TBCD: variants seen among roughly 807,000 people sequenced by gnomAD.
TBCD encodes the protein tubulin folding cofactor D.
In TBCD, 105 loss-of-function variants were observed where a neutral mutation model predicts 169.3. The ratio of observed to expected loss-of-function variants is 0.62; its 90% CI spans 0.53 to 0.73. TBCD has a LOEUF of 0.73. Ranked by LOEUF, TBCD falls within the 30% of genes least tolerant of loss-of-function variation. The pLI is 0.00. For missense variants in TBCD, 1,444 were observed against 1,600.1 expected, an observed-to-expected ratio of 0.90 and a Z score of 1.66; for synonymous variants, 700 against 643.9, an observed-to-expected ratio of 1.09 and a Z score of -1.32.
chr17:82,862,379 C>G (rs1245597167), intron 13 of TBCD, among the ~76,000 whole-genome samples: 1 of 151,706 alleles, frequency 6.6e-6, no homozygotes, highest in East Asian at 1.9e-4. Flanking sequence ...GCGGAGGAAG[C>G]CGGAGGGAGA....
Position 82,864,641 on chromosome 17 carries a change from A to T in TBCD, c.1319-5583A>T, listed in dbSNP as rs1402154922. On this transcript the variant is annotated intron_variant, in intron 13 of 38. Coordinates refer to ENST00000355528, the MANE Select transcript of TBCD (RefSeq NM_005993.5). The surrounding 1 kb of genome is among the most constrained non-coding windows in gnomAD (Gnocchi z 6.3). Reference sequence around the variant, plus strand: ...TTGGTTCACAGGCACAGGTGGGGAGAGTTGCTGGGCCAGCGTGGCTGGGTG... The same window carrying T: ...TTGGTTCACAGGCACAGGTGGGGAGTGTTGCTGGGCCAGCGTGGCTGGGTG... 6.6e-6 allele frequency among the ~76,000 whole-genome samples: 1 copy of T among 151,832 alleles called. No individual in the cohort carries two copies. Among genetic ancestry groups the T allele is most frequent in the Non-Finnish European group, 1.5e-5 (1 of 67,964 alleles).
chr17:82,831,377 A>G lies in TBCD; in HGVS notation c.1318+16443A>G. On this transcript the variant is annotated intron_variant, in intron 13 of 38. Transcript: ENST00000355528. This position sits in a 1 kb window ranked among gnomAD's most constrained non-coding sequence, Gnocchi z 4.6. Reference sequence around the variant, plus strand: ...GAAGGGTTTAACCTGGAAGGACTCGAGGCTGGATAGACCAGGGTGGCTTCT... The same window carrying G: ...GAAGGGTTTAACCTGGAAGGACTCGGGGCTGGATAGACCAGGGTGGCTTCT... The G allele has an allele frequency of 6.2e-7, 1 of 1,614,152 alleles. No individual in the cohort carries two copies. Among genetic ancestry groups the G allele is most frequent in the East Asian group, 2.2e-5 (1 of 44,886 alleles).
At chr17:82,856,710 C>T (rs187324248) in intron 13 of TBCD, among the ~76,000 whole-genome samples, 3 of 150,476 alleles carry the variant, frequency 2.0e-5, no homozygotes, top group African/African-American at 4.9e-5. Context: ...TTTTTGGGTG[C>T]GCATCCAGGG....
At chr17:82,830,148 C>T (rs962375956) in intron 13 of TBCD, 1 of 1,613,756 alleles carries the variant, frequency 6.2e-7, no homozygotes, top group African/African-American at 1.3e-5. Flanking sequence ...GGCGTTAGGA[C>T]ACCCGGGCCC....
In TBCD at chr17:82,930,183, A is replaced by G; in HGVS notation, c.2992-339A>G. On this transcript the variant is annotated intron_variant, in intron 32 of 38. Transcript: ENST00000355528. The surrounding 1 kb of genome is among the most constrained non-coding windows in gnomAD (Gnocchi z 5.2). ...CGAGCGGGGCCCCGAGACATTCTGCACTCGGGAATTGCGGGGATTATCAAA... is the reference window on the plus strand; with the variant it reads ...CGAGCGGGGCCCCGAGACATTCTGCGCTCGGGAATTGCGGGGATTATCAAA... 1 of 334,962 alleles carries G rather than the reference A, an allele frequency of 3.0e-6. No individual in the cohort carries two copies. Among genetic ancestry groups the G allele is most frequent in the Non-Finnish European group, 5.6e-6 (1 of 178,584 alleles). The allele number at this position is 334,962 out of a possible 1,614,324, so 20.7% of individuals were successfully genotyped here.
intron 13 of TBCD, chr17:82,865,427 G>T: frequency 1.0e-6 from 1 of 979,888 alleles, no homozygotes; most frequent in Non-Finnish European, 1.2e-6. Context: ...GCAGGGGCCT[G>T]AGCAGTCGGG....
At chr17:82,886,701 A>C (rs184863202) in intron 15 of TBCD, among the ~76,000 whole-genome samples, 1,589 of 56,492 alleles carry the variant, frequency 0.028, 54 homozygotes, top group African/African-American at 0.071. Flanking sequence ...CTCCCCTCCC[A>C]CTCTGTCACC....
At chr17:82,843,236 C>T (rs72858366) in intron 13 of TBCD, among the ~76,000 whole-genome samples, 307 of 152,120 alleles carry the variant, frequency 2.0e-3, no homozygotes, top group Non-Finnish European at 3.0e-3. Context: ...ATATGCCCAA[C>T]GGTGGGGTTC....
At chr17:82,908,234 C>T in intron 21 of TBCD, 1 of 446,710 alleles carries the variant, frequency 2.2e-6, no homozygotes, top group South Asian at 1.6e-5. Context: ...GGGCATTGGG[C>T]CCCGTGCTCT....
chr17:82,810,254 C>T lies in TBCD; in HGVS notation c.1223+472C>T, dbSNP rs547727623. On this transcript the variant is annotated intron_variant, in intron 12 of 38. Coordinates refer to ENST00000355528, the MANE Select transcript of TBCD (RefSeq NM_005993.5). ...GGAGGACGGCTTGAGCCTGTGAATTCAAGACCAGCCTGGGCAACGAAGCGA... is the reference window on the plus strand; with the variant it reads ...GGAGGACGGCTTGAGCCTGTGAATTTAAGACCAGCCTGGGCAACGAAGCGA... Among the ~76,000 whole-genome samples the T allele has an allele frequency of 1.4e-3, 207 of 152,336 alleles. 1 individual carries two copies. The highest frequency in any genetic ancestry group is 4.0e-3 in the African/African-American group (165 of 41,572).
At chr17:82,866,759 G>A (rs565494938) in intron 13 of TBCD, among the ~76,000 whole-genome samples, 1 of 152,352 alleles carries the variant, frequency 6.6e-6, no homozygotes, top group East Asian at 1.9e-4. Context: ...CAGCCCTGCG[G>A]GAGCACAGGG....
rs2061522829 is a variant in TBCD, at chr17:82,923,206, T to C, written c.2179-446T>C. Among the ~76,000 whole-genome samples the C allele has an allele frequency of 6.6e-6, 1 of 152,266 alleles. No homozygotes were observed. The highest frequency in any genetic ancestry group is 1.5e-5 in the Non-Finnish European group (1 of 68,046). On this transcript the variant is annotated intron_variant, in intron 25 of 38. Coordinates refer to ENST00000355528, the MANE Select transcript of TBCD (RefSeq NM_005993.5). The surrounding 1 kb of genome is among the most constrained non-coding windows in gnomAD (Gnocchi z 4.6). ...GAAAGAAAAATATGCTCCATTTTAT[T>C]ATTGTTCCATATTAGAAGACAGACA... is the stretch of plus-strand genomic sequence containing the variant.
chr17:82,758,786 C>T (rs917624871), intron 2 of TBCD, among the ~76,000 whole-genome samples: 2 of 150,678 alleles, frequency 1.3e-5, no homozygotes, highest in Admixed American at 6.6e-5. Flanking sequence ...CAGCCTCCAG[C>T]GTAGCTGGGA....
Position 82,861,232 on chromosome 17 carries a change from C to T in TBCD, c.1319-8992C>T, listed in dbSNP as rs369570480. Among the ~76,000 whole-genome samples the T allele has an allele frequency of 3.3e-5, 5 of 152,126 alleles. No individual in the cohort carries two copies. The South Asian group carries it at 6.2e-4, about 19-fold the overall frequency. On this transcript the variant is annotated intron_variant, in intron 13 of 38. Transcript: ENST00000355528. ...CAGGGACCCACCCAGTCCTGCCAGG[C>T]GTTGGGCTTGGGATGTGCGGCCGGC... is the stretch of plus-strand genomic sequence containing the variant.
intron 15 of TBCD, among the ~76,000 whole-genome samples, chr17:82,885,351 C>G (rs748434181): frequency 2.3e-4 from 35 of 152,286 alleles, no homozygotes; most frequent in Admixed American, 1.2e-3. Flanking sequence ...TGAAGTCTTT[C>G]TAGCTCAAAA....
intron 2 of TBCD, among the ~76,000 whole-genome samples, chr17:82,757,427 C>A (rs1249149544): frequency 6.6e-6 from 1 of 152,044 alleles, no homozygotes; most frequent in Non-Finnish European, 1.5e-5. Context: ...TCGAGACCAG[C>A]ATGGCTAACA....
chr17:82,853,219 A>T (rs888245022), intron 13 of TBCD, among the ~76,000 whole-genome samples: 3 of 152,100 alleles, frequency 2.0e-5, no homozygotes, highest in African/African-American at 7.2e-5. Context: ...AGCTGGAACC[A>T]CAGGCATGTG....
rs754211468 is a variant in TBCD at position 82,832,437 on chromosome 17, C to T, written c.1318+17503C>T. The T allele has an allele frequency of 1.9e-6, 3 of 1,612,432 alleles. No individual in the cohort carries two copies. The highest frequency in any genetic ancestry group is 1.7e-6 in the Non-Finnish European group (2 of 1,180,012). Reference sequence around the variant, plus strand: ...TGTAATGTGGCTTTTTTGGCTTCCGCTCTTTGAGGAGACTCATTTTCCTCC... The same window carrying T: ...TGTAATGTGGCTTTTTTGGCTTCCGTTCTTTGAGGAGACTCATTTTCCTCC... On this transcript the variant is annotated intron_variant, in intron 13 of 38. Coordinates refer to ENST00000355528, the MANE Select transcript of TBCD (RefSeq NM_005993.5). This position sits in a 1 kb window ranked among gnomAD's most constrained non-coding sequence, Gnocchi z 4.9.
chr17:82,920,291 A>G lies in TBCD; in HGVS notation c.2039-265A>G, dbSNP rs2061337716. 6.6e-6 allele frequency among the ~76,000 whole-genome samples: 1 copy of G among 152,200 alleles called. No homozygotes were observed. The highest frequency in any genetic ancestry group is 1.5e-5 in the Non-Finnish European group (1 of 68,034). Reference sequence around the variant, plus strand: ...GGCCGGCCCGGCTTCTCTGAAGTGCACGTGGGCTCACACATGGGCCTTCTG... The same window carrying G: ...GGCCGGCCCGGCTTCTCTGAAGTGCGCGTGGGCTCACACATGGGCCTTCTG... On this transcript the variant is annotated intron_variant, in intron 23 of 38. Transcript: ENST00000355528. The surrounding 1 kb of genome is among the most constrained non-coding windows in gnomAD (Gnocchi z 4.1).
Sources: gnomAD v4.1 joint callset for allele counts (sites outside exome capture counted in the v4.1 genomes callset) on GRCh38, gnomAD v4.1.1 for gene constraint, Gnocchi (gnomAD v3.1) non-coding constraint, MANE v1.5 for transcripts, NCBI Gene and HGNC (gene_info 2026-07-23, HGNC 2026-07-21) for gene names.